Variants in PTPRD observed in about 807,000 individuals in gnomAD.
The protein encoded by PTPRD is receptor-type tyrosine-protein phosphatase delta.
Under a neutral mutation model 214.5 loss-of-function variants are expected in PTPRD, and 34 were observed. That is an observed-to-expected ratio of 0.16 (90% CI 0.12 to 0.21). The LOEUF (loss-of-function observed/expected upper bound fraction) is 0.21. PTPRD is among the 10% of genes least tolerant of loss of function. The pLI is 1.00. For synonymous variants in PTPRD, 1,128 were observed against 845.7 expected (o/e 1.33, Z -5.79); for missense variants, 2,545 against 2,398.7 (o/e 1.06, Z -1.27).
chr9:9,050,206 TTTAACA>T lies in PTPRD; in HGVS notation c.-142-31477_-142-31472del, dbSNP rs1456286914. Among the ~76,000 whole-genome samples, 3 of 152,368 alleles carry T rather than the reference TTTAACA, an allele frequency of 2.0e-5. No individual in the cohort carries two copies. In the East Asian group the frequency reaches 5.8e-4, roughly 29 times the overall value. On this transcript the variant is annotated intron_variant, in intron 10 of 45. Transcript: ENST00000381196. ...AAAATACATTAGAATACTTTTTCCC[TTTAACA>T]TTATTTTATTGAATTAAAGCATTGT...
At chr9:8,448,599 T>A (rs1238366703) in intron 34 of PTPRD, among the ~76,000 whole-genome samples, 1 of 152,168 alleles carries the variant, frequency 6.6e-6, no homozygotes, top group East Asian at 1.9e-4. Context: ...TTTTAAAGTC[T>A]AACCTCATAT....
At chr9:8,762,053 A>T (rs2094446723) in intron 11 of PTPRD, among the ~76,000 whole-genome samples, 1 of 152,206 alleles carries the variant, frequency 6.6e-6, no homozygotes, top group African/African-American at 2.4e-5. Flanking sequence ...TTGAGACTGA[A>T]GACTAAGTCT....
In PTPRD at chr9:9,985,521, G is replaced by T. The variant is rs1004897297; in HGVS notation, c.-471-46911C>A. Among the ~76,000 whole-genome samples the T allele has an allele frequency of 2.6e-5, 4 of 152,026 alleles. No individual in the cohort carries two copies. The South Asian group carries it at 6.2e-4, about 24-fold the overall frequency. ...AAAGTAGTCAAATATTGAAACAAAT[G>T]ATGTGCTAGTGATACAGATGATGGT... On this transcript the variant is annotated intron_variant, in intron 4 of 45. Transcript: ENST00000381196.
chr9:9,138,540 T>G (rs2099854682), intron 10 of PTPRD, among the ~76,000 whole-genome samples: 2 of 150,602 alleles, frequency 1.3e-5, no homozygotes, highest in African/African-American at 5.0e-5. Flanking sequence ...CATTTACCCA[T>G]TTCTTTCACT....
intron 3 of PTPRD, among the ~76,000 whole-genome samples, chr9:10,104,245 G>A (rs1406230162): frequency 6.6e-6 from 1 of 151,598 alleles, no homozygotes; most frequent in Non-Finnish European, 1.5e-5. Context: ...GATGGATGGT[G>A]GTGATAGTTG....
At chr9:9,588,722 AG>A (rs1392517973) in intron 7 of PTPRD, among the ~76,000 whole-genome samples, 2 of 152,012 alleles carry the variant, frequency 1.3e-5, no homozygotes, top group Non-Finnish European at 2.9e-5. Flanking sequence ...TAGAGAAAAA[AG>A]TGAAAAGACA....
intron 5 of PTPRD, among the ~76,000 whole-genome samples, chr9:9,856,879 A>C (rs1232502217): frequency 6.6e-6 from 1 of 152,218 alleles, no homozygotes; most frequent in African/African-American, 2.4e-5. Context: ...ACAAGGATAA[A>C]ATGTAAAATA....
intron 14 of PTPRD, among the ~76,000 whole-genome samples, chr9:8,589,781 T>C (rs1213626441): frequency 6.6e-6 from 1 of 152,160 alleles, no homozygotes; most frequent in Non-Finnish European, 1.5e-5. Context: ...ACTTGACACA[T>C]TCCTCTGATT....
chr9:9,467,387 A>G (rs2094258706), intron 8 of PTPRD, among the ~76,000 whole-genome samples: 1 of 151,294 alleles, frequency 6.6e-6, no homozygotes, highest in Non-Finnish European at 1.5e-5. Flanking sequence ...CAGGAGTTCA[A>G]GACCACCCTG....
intron 8 of PTPRD, among the ~76,000 whole-genome samples, chr9:9,565,559 T>G (rs993510610): frequency 2.0e-5 from 3 of 151,928 alleles, no homozygotes; most frequent in Non-Finnish European, 4.4e-5. Flanking sequence ...CAAGACTTTA[T>G]TAATGTATAA....
intron 14 of PTPRD, among the ~76,000 whole-genome samples, chr9:8,542,099 AG>A (rs1364606092): frequency 6.6e-6 from 1 of 152,164 alleles, no homozygotes; most frequent in Non-Finnish European, 1.5e-5. Flanking sequence ...AATTAGAAAA[AG>A]GGTTTCAGGC....
intron 34 of PTPRD, among the ~76,000 whole-genome samples, chr9:8,441,812 T>C (rs140651149): frequency 6.6e-6 from 1 of 152,138 alleles, no homozygotes; most frequent in Non-Finnish European, 1.5e-5. Flanking sequence ...ATCAAAGTCA[T>C]CATTATCAGC....
chr9:9,122,638 G>C (rs1056073544), intron 10 of PTPRD, among the ~76,000 whole-genome samples: 1 of 152,094 alleles, frequency 6.6e-6, no homozygotes, highest in African/African-American at 2.4e-5. Flanking sequence ...GACACTTGCC[G>C]CAGTACATGA....
chr9:10,107,639 G>A (rs1591370631), intron 3 of PTPRD, among the ~76,000 whole-genome samples: 1 of 152,084 alleles, frequency 6.6e-6, no homozygotes, highest in African/African-American at 2.4e-5. Context: ...TTCCTAACAA[G>A]TGTTCAATAA....
intron 9 of PTPRD, among the ~76,000 whole-genome samples, chr9:9,214,359 A>T (rs943994373): frequency 1.3e-5 from 2 of 152,232 alleles, no homozygotes; most frequent in Admixed American, 6.5e-5. Flanking sequence ...TTGCATTTTC[A>T]GCATTGCCTG....
intron 30 of PTPRD, among the ~76,000 whole-genome samples, chr9:8,477,611 G>A (rs1030199181): frequency 2.0e-5 from 3 of 152,096 alleles, no homozygotes; most frequent in East Asian, 1.9e-4. Flanking sequence ...CATTCCTTGC[G>A]TAAGCCTCCT....
chr9:8,948,505 T>TTA lies in PTPRD; in HGVS notation c.-104+70190_-104+70191dup, dbSNP rs1189733065. Among the ~76,000 whole-genome samples, 5 of 13,064 alleles carry TTA rather than the reference T, an allele frequency of 3.8e-4. 1 individual carries two copies. The highest frequency in any genetic ancestry group is 7.2e-3 in the East Asian group (2 of 278). 8.6% of individuals were successfully genotyped at this position (13,064 alleles called of 152,430 possible). A position where few individuals can be genotyped will look rare whatever the true frequency, so the allele number is the denominator to read the frequency against. ...TTTATATATATATTTATATATATAT[T>TTA]TATATATATATATTTATATATATAT... is the stretch of plus-strand genomic sequence containing the variant. On this transcript the variant is annotated intron_variant, in intron 11 of 45. Transcript: ENST00000381196.
At position 8,757,582 on chromosome 9, in the gene PTPRD, T is replaced by C. The variant is rs1254515235; in HGVS notation, c.-103-23636A>G. ...AAACTATCAACAGGAAAAGTAGTGA[T>C]AGAGTTGGAGTTAGAATTCTGCATA... is the stretch of plus-strand genomic sequence containing the variant. On this transcript the variant is annotated intron_variant, in intron 11 of 45. Transcript: ENST00000381196. 4.0e-5 allele frequency among the ~76,000 whole-genome samples: 6 copies of C among 150,074 alleles called. No individual in the cohort carries two copies. In the South Asian group the frequency reaches 1.0e-3, roughly 26 times the overall value.
At chr9:10,195,098 A>ATTTTT (rs34900305) in intron 3 of PTPRD, among the ~76,000 whole-genome samples, 28 of 97,908 alleles carry the variant, frequency 2.9e-4, no homozygotes, top group African/African-American at 5.5e-4. Context: ...ATACCCGGCT[A>ATTTTT]TTTTTTTTTT....
Sources: allele counts gnomAD v4.1 joint callset (sites outside exome capture counted in the v4.1 genomes callset), GRCh38; gene constraint gnomAD v4.1.1; transcripts MANE v1.5; gene names NCBI Gene and HGNC (gene_info 2026-07-23, HGNC 2026-07-21).